ILK: variants seen among roughly 807,000 people sequenced by gnomAD.
The protein encoded by ILK is scaffold protein ILK.
ILK carries 37 observed loss-of-function variants against 57.8 expected under a neutral mutation model. The ratio of observed to expected loss-of-function variants is 0.64; its 90% confidence interval spans 0.49 to 0.84. The LOEUF is 0.84. Among genes scored for constraint, ILK ranks in the 40% least tolerant of loss-of-function variants. The pLI, the probability that ILK is intolerant of heterozygous loss-of-function variation, is 0.00. For missense variants in ILK, 528 were observed against 595.7 expected (o/e 0.89, Z 1.18); for synonymous variants, 231 against 202.2 (o/e 1.14, Z -1.21).
In ILK at chr11:6,609,797, A is replaced by G; in HGVS notation, c.930A>G (p.Thr310=). The part of the protein sequence containing the change: ...DMARGMAFLH[T]LEPLIPRHAL... The stretch of plus-strand genomic sequence containing the variant: ...CAAGGGGCATGGCCTTCCTACACAC[A>G]CTAGAGCCCCTCATCCCACGACATG... Residue 310 remains threonine, a synonymous_variant, in exon 10 of 13, where the codon ACA becomes ACG. Transcript: ENST00000299421. 1 of 1,614,092 alleles carries G rather than the reference A, an allele frequency of 6.2e-7. No homozygotes were observed. The highest frequency in any genetic ancestry group is 1.1e-5 in the South Asian group (1 of 91,086).
intron 11 of ILK, 55 bp from the exon 12 acceptor site, chr11:6,610,093 G>C (rs1855348783): frequency 2.5e-6 from 4 of 1,614,000 alleles, no homozygotes; most frequent in Admixed American, 1.7e-5. Context: ...GTAGTGGAAG[G>C]GGGCAGAGAC....
Position 6,610,699 on chromosome 11 carries a change from T to C in ILK, c.*88T>C, listed in dbSNP as rs916910026. ...CCAAAGCAGCAGGCCTCTGGTTGCCTCCCCCGCCTCCAGTCATGGTACTAC... is the reference window on the plus strand; with the variant it reads ...CCAAAGCAGCAGGCCTCTGGTTGCCCCCCCCGCCTCCAGTCATGGTACTAC... On this transcript the variant is annotated 3_prime_UTR_variant, in exon 13 of 13. Coordinates refer to ENST00000299421, the MANE Select transcript of ILK (RefSeq NM_004517.4). 4.0e-6 allele frequency: 6 copies of C among 1,504,180 alleles called. No individual in the cohort carries two copies. Among genetic ancestry groups the C allele is most frequent in the Admixed American group, 1.8e-5 (1 of 56,510 alleles). The allele number at this position is 1,504,180 out of a possible 1,614,324, so 93.2% of individuals were successfully genotyped here. A position where few individuals can be genotyped will look rare whatever the true frequency, so the allele number is the denominator to read the frequency against.
chr11:6,605,118 G>C (rs950931275), intron 2 of ILK, among the ~76,000 whole-genome samples: 11 of 152,188 alleles, frequency 7.2e-5, no homozygotes, highest in Admixed American at 1.3e-4. Context: ...TTTTGGACAT[G>C]TTAAAGTTAA....
At chr11:6,606,129 T>C (rs1200170113) in intron 2 of ILK, among the ~76,000 whole-genome samples, 1 of 152,162 alleles carries the variant, frequency 6.6e-6, no homozygotes, top group Non-Finnish European at 1.5e-5. Flanking sequence ...GCCAAGATCA[T>C]GCCACTGCCC....
At chr11:6,604,154 C>A in intron 1 of ILK, 26 bp from the exon 2 acceptor site, 1 of 952,750 alleles carries the variant, frequency 1.0e-6, no homozygotes, top group South Asian at 1.4e-5. Context: ...CCCCCTACCC[C>A]CAACACAAAC....
chr11:6,608,182 A>G lies in ILK; in HGVS notation c.226A>G (p.Ser76Gly), dbSNP rs1355016857. ...TGACACCCCCCTGCATCTGGCAGCC[A>G]GTCATGGACACCGTGATATTGTACA... is the stretch of plus-strand genomic sequence containing the variant. ...GDDTPLHLAA[S>G]HGHRDIVQKL... The change falls in exon 3 of 13, where the codon AGT becomes GGT. Residue 76 changes from serine to glycine, a missense_variant. Coordinates refer to ENST00000299421, the MANE Select transcript of ILK (RefSeq NM_004517.4). This position sits in a 1 kb window ranked among gnomAD's most constrained non-coding sequence, Gnocchi z 4.9. 2 of 1,614,198 alleles carry G rather than the reference A, an allele frequency of 1.2e-6. No homozygotes were observed. The highest frequency in any genetic ancestry group is 1.7e-6 in the Non-Finnish European group (2 of 1,180,030).
In ILK at chr11:6,608,258, G is replaced by C. The variant is rs1198150371; in HGVS notation, c.255+47G>C. On this transcript the variant is annotated intron_variant, in intron 3 of 12. Transcript: ENST00000299421. The surrounding 1 kb of genome is among the most constrained non-coding windows in gnomAD (Gnocchi z 4.9). ...ATCCACATCACATACATGCCATGAG[G>C]GTCAGTCACAGGCACTGTAACATAC... The C allele has an allele frequency of 6.2e-7, 1 of 1,606,480 alleles. No homozygotes were observed. Among genetic ancestry groups the C allele is most frequent in the Non-Finnish European group, 8.5e-7 (1 of 1,173,012 alleles).
rs141701406 is a variant in ILK at position 6,608,123 on chromosome 11, G to T, written c.167G>T (p.Arg56Leu). 4 of 1,614,066 alleles carry T rather than the reference G, an allele frequency of 2.5e-6. No individual in the cohort carries two copies. The highest frequency in any genetic ancestry group is 3.4e-6 in the Non-Finnish European group (4 of 1,179,952). ...GCTGTGGTTGAGATGTTGATCATGC[G>T]GGGGGCACGGATCAATGTAATGAAC... The part of the protein sequence containing the change: ...RSAVVEMLIM[R>L]GARINVMNRG... Residue 56 changes from arginine (R) to leucine (L), a missense_variant, in exon 3 of 13, where the codon CGG (arginine) becomes CTG (leucine). Transcript: ENST00000299421. This position sits in a 1 kb window ranked among gnomAD's most constrained non-coding sequence, Gnocchi z 4.9.
chr11:6,610,428 A>C lies in ILK; in HGVS notation c.1210-34A>C, dbSNP rs1166676237. On this transcript the variant is annotated intron_variant, in intron 12 of 12. Coordinates refer to ENST00000299421, the MANE Select transcript of ILK (RefSeq NM_004517.4). Reference sequence around the variant, plus strand: ...GGCTTCTCTCTACATGACAGACTCAAATTGTGAGGCTGCTTTTTTTCTTGT... The same window carrying C: ...GGCTTCTCTCTACATGACAGACTCACATTGTGAGGCTGCTTTTTTTCTTGT... 1.9e-6 allele frequency: 3 copies of C among 1,614,124 alleles called. No homozygotes were observed. The South Asian group carries it at 3.3e-5, about 18-fold the overall frequency.
In ILK at chr11:6,608,150, G is replaced by A. The variant is rs761544290; in HGVS notation, c.194G>A (p.Arg65His). ...MRGARINVMN[R>H]GDDTPLHLAA... ...GGGGCACGGATCAATGTAATGAACC[G>A]TGGGGATGACACCCCCCTGCATCTG... The change falls in exon 3 of 13, where the codon CGT (arginine) becomes CAT (histidine). Residue 65 changes from arginine (R) to histidine (H), a missense_variant. Coordinates refer to ENST00000299421, the MANE Select transcript of ILK (RefSeq NM_004517.4). The surrounding 1 kb of genome is among the most constrained non-coding windows in gnomAD (Gnocchi z 4.9). The A allele has an allele frequency of 3.1e-6, 5 of 1,614,018 alleles. No homozygotes were observed. Among genetic ancestry groups the A allele is most frequent in the Non-Finnish European group, 3.4e-6 (4 of 1,180,040 alleles).
At chr11:6,609,179 T>A in intron 7 of ILK, 23 bp downstream of exon 7, 1 of 1,607,674 alleles carries the variant, frequency 6.2e-7, no homozygotes, top group Non-Finnish European at 8.5e-7. Flanking sequence ...CTTCTTGCCC[T>A]TCCCTCACTA....
intron 2 of ILK, chr11:6,604,579 T>TCCAG: frequency 1.6e-6 from 1 of 632,186 alleles, no homozygotes; most frequent in South Asian, 1.8e-5. Context: ...CAGAGAGCTT[T>TCCAG]CCAGCCTCAG....
chr11:6,610,195 T>C lies in ILK; in HGVS notation c.1126T>C (p.Trp376Arg). ...CACAAACAGACGCTCAGCAGACATG[T>C]GGAGTTTTGCAGTGCTTCTGTGGGA... is the stretch of plus-strand genomic sequence containing the variant. ...EDTNRRSADM[W>R]SFAVLLWELV... The change falls in exon 12 of 13, where the codon TGG becomes CGG. Residue 376 changes from tryptophan (W) to arginine (R), a missense_variant. Trp to Arg is a moderately radical substitution (Grantham distance 101). Coordinates refer to ENST00000299421, the MANE Select transcript of ILK (RefSeq NM_004517.4). 3.7e-6 allele frequency: 6 copies of C among 1,614,140 alleles called. No homozygotes were observed. Among genetic ancestry groups the C allele is most frequent in the Non-Finnish European group, 5.1e-6 (6 of 1,180,022 alleles).
In ILK at chr11:6,610,136, CTA is replaced by C; in HGVS notation, c.1079-10_1079-9del. 6.2e-7 allele frequency: 1 copy of C among 1,614,204 alleles called. No individual in the cohort carries two copies. The highest frequency in any genetic ancestry group is 1.1e-5 in the South Asian group (1 of 91,080). ...GCAAGGGGGCCAGAACAGACAAGCCCTATCTCTCCAGCTCTGCAGAAGAAGCC... is the reference window on the plus strand; with the variant it reads ...GCAAGGGGGCCAGAACAGACAAGCCCTCTCTCCAGCTCTGCAGAAGAAGCC... On this transcript the variant is annotated splice_polypyrimidine_tract_variant and intron_variant, in intron 11 of 12. Transcript: ENST00000299421.
At position 6,608,995 on chromosome 11, in the gene ILK, T is replaced by C; in HGVS notation, c.532+28T>C. ...GAGTCACCACTGTGGGAAGAAGGGT[T>C]GTAAAAGGAAATAATCCTGGCCTCT... On this transcript the variant is annotated intron_variant, in intron 6 of 12. Transcript: ENST00000299421. The surrounding 1 kb of genome is among the most constrained non-coding windows in gnomAD (Gnocchi z 4.9). 1 of 1,613,610 alleles carries C rather than the reference T, an allele frequency of 6.2e-7. No individual in the cohort carries two copies. The highest frequency in any genetic ancestry group is 8.5e-7 in the Non-Finnish European group (1 of 1,179,542).
chr11:6,603,840 C>A lies in ILK; in HGVS notation c.-93+18C>A. 2.8e-6 allele frequency: 1 copy of A among 354,640 alleles called. No homozygotes were observed. The highest frequency in any genetic ancestry group is 5.1e-6 in the Non-Finnish European group (1 of 194,184). 22.0% of individuals were successfully genotyped at this position (354,640 alleles called of 1,614,324 possible). ...GAGTCCCGGTGAGTGCGAGAGGACCCGCGCCCCCTGTCACCCCTCACTTCT... is the reference window on the plus strand; with the variant it reads ...GAGTCCCGGTGAGTGCGAGAGGACCAGCGCCCCCTGTCACCCCTCACTTCT... On this transcript the variant is annotated intron_variant, in intron 1 of 12. Transcript: ENST00000299421.
intron 2 of ILK, chr11:6,604,795 T>C (rs1170696754): frequency 4.3e-6 from 2 of 461,904 alleles, no homozygotes; most frequent in African/African-American, 4.0e-5. Context: ...AAGGTCTTTA[T>C]TTTAAAAGCA....
intron 2 of ILK, chr11:6,606,687 A>T (rs1275661453): frequency 2.0e-5 from 3 of 152,250 alleles, no homozygotes; most frequent in Admixed American, 2.0e-4. Context: ...AGTTGGCTAT[A>T]TGCTGGATAT....
chr11:6,604,428 C>T, intron 2 of ILK, 68 bp downstream of exon 2: 1 of 1,395,348 alleles, frequency 7.2e-7, no homozygotes. Flanking sequence ...GTGGAGTGCT[C>T]ATGTCTGGTG....
Sources: allele counts gnomAD v4.1 joint callset (sites outside exome capture counted in the v4.1 genomes callset), GRCh38; gene constraint gnomAD v4.1.1; non-coding constraint Gnocchi (gnomAD v3.1); transcripts MANE v1.5; gene names NCBI Gene and HGNC (gene_info 2026-07-23, HGNC 2026-07-21).